The following GULP1 variants were observed in gnomAD, a reference collection of about 807,000 sequenced individuals.
The protein encoded by GULP1 is GULP PTB domain containing engulfment adaptor 1.
Under a neutral mutation model 40.9 loss-of-function variants are expected in GULP1, and 19 were observed. The ratio of observed to expected loss-of-function variants is 0.46; its 90% confidence interval spans 0.32 to 0.68. The LOEUF is 0.68. Ranked by LOEUF, GULP1 falls within the 30% of genes least tolerant of loss-of-function variation. The pLI is 0.03. For missense variants in GULP1, 312 were observed against 362.2 expected, an observed-to-expected ratio of 0.86 and a Z score of 1.12; for synonymous variants, 119 against 117.6, an observed-to-expected ratio of 1.01 and a Z score of -0.08.
intron 1 of GULP1, among the ~76,000 whole-genome samples, chr2:188,314,001 T>C (rs1306144717): frequency 6.6e-6 from 1 of 150,576 alleles, no homozygotes; most frequent in Non-Finnish European, 1.5e-5. Context: ...AAAAGGAAAA[T>C]TAAAAAAAAA....
Position 188,584,337 on chromosome 2 carries a change from C to T in GULP1, c.682C>T (p.Gln228Ter). Residue 228 changes from glutamine to a stop codon, truncating the protein, a stop_gained, in exon 10 of 12, where the codon CAG (glutamine) becomes TAG (stop). Transcript: ENST00000409830. LOFTEE classifies it high-confidence loss of function. ...GATTCCATTTTCTCCAATATCACACCAGTCTTCGATGCCTACTCGCAATGG... is the reference window on the plus strand; with the variant it reads ...GATTCCATTTTCTCCAATATCACACTAGTCTTCGATGCCTACTCGCAATGG... ...DMIPFSPISHQSSMPTRNGTQ... is the reference protein window; with the variant it reads ...DMIPFSPISH The T allele has an allele frequency of 3.7e-6, 6 of 1,604,022 alleles. No individual in the cohort carries two copies. Among genetic ancestry groups the T allele is most frequent in the Non-Finnish European group, 5.1e-6 (6 of 1,170,972 alleles).
At chr2:188,503,867 A>G (rs1559318135) in intron 4 of GULP1, among the ~76,000 whole-genome samples, 1 of 151,948 alleles carries the variant, frequency 6.6e-6, no homozygotes, top group Non-Finnish European at 1.5e-5. Flanking sequence ...AATACTGTGT[A>G]CTGAAAAACT....
chr2:188,475,209 G>C (rs973781611), intron 2 of GULP1, among the ~76,000 whole-genome samples: 5 of 151,962 alleles, frequency 3.3e-5, no homozygotes, highest in Admixed American at 2.0e-4. Flanking sequence ...CTAAGAAGTG[G>C]GGTTTGGATA....
chr2:188,520,527 TAAAAAAAA>T (rs754573431), intron 4 of GULP1, among the ~76,000 whole-genome samples: 2 of 92,422 alleles, frequency 2.2e-5, no homozygotes, highest in Admixed American at 1.2e-4. Flanking sequence ...AGACTCCATC[TAAAAAAAA>T]AAAAAAAAAA....
intron 2 of GULP1, among the ~76,000 whole-genome samples, chr2:188,475,269 C>T (rs1427735623): frequency 5.3e-5 from 8 of 152,168 alleles, no homozygotes; most frequent in Admixed American, 2.6e-4. Flanking sequence ...TATATATCGA[C>T]ATTTATATCT....
intron 4 of GULP1, among the ~76,000 whole-genome samples, chr2:188,515,485 G>C (rs1309635656): frequency 6.6e-6 from 1 of 152,076 alleles, no homozygotes; most frequent in African/African-American, 2.4e-5. Context: ...GGTATCTCTA[G>C]TGAGCACGTC....
intron 1 of GULP1, among the ~76,000 whole-genome samples, chr2:188,348,313 T>G (rs1018280409): frequency 6.6e-6 from 1 of 152,196 alleles, no homozygotes; most frequent in Non-Finnish European, 1.5e-5. Context: ...CAGGAAGTTA[T>G]CTGGTCAAAC....
rs375270282 is a variant in GULP1, at chr2:188,522,854, C to G, written c.162+27C>G. ...TAGGGAAAGGCCTTCAAATAAATTA[C>G]AAGTGTATTGACTCTGTCATGTTTT... On this transcript the variant is annotated intron_variant, in intron 5 of 11. Transcript: ENST00000409830. 2.6e-5 allele frequency: 36 copies of G among 1,369,096 alleles called. No individual in the cohort carries two copies. The African/African-American group carries it at 5.0e-4, about 19-fold the overall frequency. 84.8% of individuals were successfully genotyped at this position (1,369,096 alleles called of 1,614,324 possible). A position where few individuals can be genotyped will look rare whatever the true frequency, so the allele number is the denominator to read the frequency against.
At chr2:188,474,658 T>C (rs1167218304) in intron 2 of GULP1, among the ~76,000 whole-genome samples, 1 of 152,184 alleles carries the variant, frequency 6.6e-6, no homozygotes, top group African/African-American at 2.4e-5. Flanking sequence ...CTTTCAGTGA[T>C]ACTGAGTTAA....
intron 4 of GULP1, among the ~76,000 whole-genome samples, chr2:188,516,341 C>T (rs1364386682): frequency 1.3e-5 from 2 of 152,030 alleles, no homozygotes; most frequent in Admixed American, 1.3e-4. Context: ...GTGAAGAAGT[C>T]TGATGTCATT....
chr2:188,510,481 T>C (rs1310295599), intron 4 of GULP1, among the ~76,000 whole-genome samples: 1 of 152,084 alleles, frequency 6.6e-6, no homozygotes, highest in Non-Finnish European at 1.5e-5. Context: ...GAGAATTTGG[T>C]AAGCTGACCA....
chr2:188,505,542 A>G (rs1442757292), intron 4 of GULP1, among the ~76,000 whole-genome samples: 1 of 151,844 alleles, frequency 6.6e-6, no homozygotes, highest in Non-Finnish European at 1.5e-5. Context: ...AGTATTCTAT[A>G]TAAATATAGA....
chr2:188,301,547 C>A (rs1256776192), intron 1 of GULP1, among the ~76,000 whole-genome samples: 1 of 152,190 alleles, frequency 6.6e-6, no homozygotes, highest in African/African-American at 2.4e-5. Flanking sequence ...TCCACTCTTT[C>A]CCACATAACT....
At chr2:188,442,574 A>G (rs977408333) in intron 2 of GULP1, among the ~76,000 whole-genome samples, 1 of 152,216 alleles carries the variant, frequency 6.6e-6, no homozygotes, top group African/African-American at 2.4e-5. Context: ...CTCCTAGGTA[A>G]GTACTGAGAT....
At chr2:188,593,042 C>T (rs1428186520) in intron 11 of GULP1, 2 of 152,018 alleles carry the variant, frequency 1.3e-5, no homozygotes, top group Non-Finnish European at 2.9e-5. Flanking sequence ...GAGAGCACTA[C>T]CACATTTGCT....
At chr2:188,315,476 GC>G (rs2038922084) in intron 1 of GULP1, among the ~76,000 whole-genome samples, 2 of 152,080 alleles carry the variant, frequency 1.3e-5, no homozygotes, top group African/African-American at 4.8e-5. Context: ...CTGTATTGTG[GC>G]CTATCAGAGT....
At chr2:188,466,724 C>G (rs2060160025) in intron 2 of GULP1, among the ~76,000 whole-genome samples, 1 of 152,070 alleles carries the variant, frequency 6.6e-6, no homozygotes, top group Non-Finnish European at 1.5e-5. Context: ...TAAGTCATGT[C>G]TCTATTCCTA....
intron 3 of GULP1, among the ~76,000 whole-genome samples, chr2:188,482,488 T>C (rs1199465445): frequency 6.6e-6 from 1 of 151,798 alleles, no homozygotes; most frequent in Non-Finnish European, 1.5e-5. Flanking sequence ...AAAAATAAGA[T>C]ACGTACAAAA....
intron 1 of GULP1, among the ~76,000 whole-genome samples, chr2:188,313,246 G>T (rs974963787): frequency 6.6e-5 from 10 of 152,084 alleles, no homozygotes; most frequent in African/African-American, 2.4e-4. Context: ...GGTTTTTATG[G>T]TTTTGGGTTT....
Sources: gnomAD v4.1 joint callset for allele counts (sites outside exome capture counted in the v4.1 genomes callset) on GRCh38, gnomAD v4.1.1 for gene constraint, MANE v1.5 for transcripts, NCBI Gene and HGNC (gene_info 2026-07-23, HGNC 2026-07-21) for gene names.